Variants in PEBP4 observed in about 807,000 individuals in gnomAD.
The protein encoded by PEBP4 is phosphatidylethanolamine-binding protein 4.
Under a neutral mutation model 23.9 loss-of-function variants are expected in PEBP4, and 22 were observed. The observed-to-expected ratio is 0.92, with a 90% CI of 0.66 to 1.31. The LOEUF is 1.31. Ranked by LOEUF, PEBP4 falls within the 40% of genes most tolerant of loss-of-function variation. PEBP4 has a pLI of 0.00. For synonymous variants in PEBP4, 112 were observed against 99.3 expected (o/e 1.13, Z -0.76); for missense variants, 324 against 281.7 (o/e 1.15, Z -1.07).
chr8:22,803,470 G>C (rs1321400157), intron 4 of PEBP4, among the ~76,000 whole-genome samples: 1 of 152,050 alleles, frequency 6.6e-6, no homozygotes, highest in East Asian at 1.9e-4. Context: ...TTCGAGATCA[G>C]CTTGGCCAAC....
chr8:22,937,265 A>C (rs1809553590), intron 1 of PEBP4, among the ~76,000 whole-genome samples: 1 of 152,230 alleles, frequency 6.6e-6, no homozygotes, highest in Non-Finnish European at 1.5e-5. Context: ...CAAAATCAAC[A>C]AACAAAAATC....
intron 4 of PEBP4, among the ~76,000 whole-genome samples, chr8:22,779,788 G>A (rs1170215446): frequency 6.6e-6 from 1 of 152,160 alleles, no homozygotes; most frequent in African/African-American, 2.4e-5. Context: ...GAAAGTGATT[G>A]GCTATTTTTA....
At chr8:22,763,923 C>T (rs1805559938) in intron 4 of PEBP4, among the ~76,000 whole-genome samples, 1 of 152,304 alleles carries the variant, frequency 6.6e-6, no homozygotes, top group African/African-American at 2.4e-5. Context: ...GTGGAGAGAG[C>T]CATGAAGAAG....
In PEBP4 at chr8:22,749,805, C is replaced by CTTT. The variant is rs71206545; in HGVS notation, c.358-22588_358-22586dup. The stretch of plus-strand genomic sequence containing the variant: ...CTCTCCTGATTCTCAGTTTGTCATT[C>CTTT]TTTTTTTTTTTTTTTTTTGAGATGG... On this transcript the variant is annotated intron_variant, in intron 4 of 6. Coordinates refer to ENST00000256404, the MANE Select transcript of PEBP4 (RefSeq NM_144962.3). Among the ~76,000 whole-genome samples, 337 of 83,742 alleles carry CTTT rather than the reference C, an allele frequency of 4.0e-3. 36 individuals are homozygous for CTTT. In the South Asian group the frequency reaches 0.051, roughly 13 times the overall value. 54.9% of individuals were successfully genotyped at this position (83,742 alleles called of 152,430 possible).
chr8:22,749,036 G>A (rs546330865), intron 4 of PEBP4, among the ~76,000 whole-genome samples: 1 of 152,276 alleles, frequency 6.6e-6, no homozygotes, highest in South Asian at 2.1e-4. Flanking sequence ...ACAATCTGGG[G>A]TCAGGGGACT....
At chr8:22,897,437 CCTTTCATCGT>C (rs1014132649) in intron 3 of PEBP4, among the ~76,000 whole-genome samples, 5 of 152,114 alleles carry the variant, frequency 3.3e-5, no homozygotes, top group African/African-American at 1.2e-4. Flanking sequence ...AAAAACAAAC[CCTTTCATCGT>C]CTTACTCAGG....
At chr8:22,842,947 C>T (rs1208238482) in intron 3 of PEBP4, among the ~76,000 whole-genome samples, 2 of 152,224 alleles carry the variant, frequency 1.3e-5, no homozygotes, top group African/African-American at 4.8e-5. Context: ...CATGCCTCAG[C>T]CTCCTGAGTA....
At chr8:22,783,054 T>C (rs958811394) in intron 4 of PEBP4, among the ~76,000 whole-genome samples, 1 of 152,198 alleles carries the variant, frequency 6.6e-6, no homozygotes, top group African/African-American at 2.4e-5. Context: ...ACCTGCTCCA[T>C]GCAGAAGCTG....
At chr8:22,770,339 G>A (rs1038732226) in intron 4 of PEBP4, among the ~76,000 whole-genome samples, 4 of 152,140 alleles carry the variant, frequency 2.6e-5, no homozygotes, top group African/African-American at 4.8e-5. Flanking sequence ...CTTATCAATC[G>A]CAGTCCCCCT....
chr8:22,929,460 C>T (rs1042604020), upstream of PEBP4, among the ~76,000 whole-genome samples: 12 of 152,246 alleles, frequency 7.9e-5, no homozygotes, highest in Non-Finnish European at 1.8e-4. Flanking sequence ...GGAGAGCCCA[C>T]AGTGCAGGTT....
chr8:22,862,065 T>C (rs1399344733), intron 3 of PEBP4, among the ~76,000 whole-genome samples: 2 of 152,080 alleles, frequency 1.3e-5, no homozygotes, highest in African/African-American at 4.8e-5. Context: ...ATCAGGAGTA[T>C]TGATGGGGAG....
chr8:22,894,470 T>C (rs1808554840), intron 3 of PEBP4, among the ~76,000 whole-genome samples: 1 of 152,104 alleles, frequency 6.6e-6, no homozygotes, highest in Non-Finnish European at 1.5e-5. Flanking sequence ...TAGTCCCAGC[T>C]ACTCAGGAGG....
chr8:22,843,191 G>A (rs993918591), intron 3 of PEBP4, among the ~76,000 whole-genome samples: 3 of 152,060 alleles, frequency 2.0e-5, no homozygotes, highest in Non-Finnish European at 4.4e-5. Context: ...CTTGAACTCC[G>A]ACTTCAGGTG....
intron 3 of PEBP4, among the ~76,000 whole-genome samples, chr8:22,879,734 G>A (rs1227884993): frequency 1.3e-5 from 2 of 152,272 alleles, no homozygotes; most frequent in Admixed American, 6.5e-5. Context: ...GCACACACAC[G>A]CTTGAAAATA....
intron 3 of PEBP4, among the ~76,000 whole-genome samples, chr8:22,898,393 A>C (rs13268168): frequency 0.21 from 1,796 of 8,642 alleles, 104 homozygotes; most frequent in Non-Finnish European, 0.28. Context: ...CTCCACCCCA[A>C]AAAAAAAAAA....
At chr8:22,934,371 T>G (rs1460982434) in intron 1 of PEBP4, among the ~76,000 whole-genome samples, 1 of 152,234 alleles carries the variant, frequency 6.6e-6, no homozygotes, top group Non-Finnish European at 1.5e-5. Flanking sequence ...TAGTATCAAT[T>G]CAAATTAGAT....
chr8:22,911,273 G>T lies in PEBP4; in HGVS notation c.258+8911C>A, dbSNP rs367703347. ...TACAAGACCAACATGTCAGGGGTGC[G>T]CTGGTCCCTGGAAGAATGAGAGATG... On this transcript the variant is annotated intron_variant, in intron 3 of 6. Coordinates refer to ENST00000256404, the MANE Select transcript of PEBP4 (RefSeq NM_144962.3). 9.9e-5 allele frequency among the ~76,000 whole-genome samples: 15 copies of T among 152,202 alleles called. No homozygotes were observed. The East Asian group carries it at 2.3e-3, about 23-fold the overall frequency.
chr8:22,841,195 A>T (rs1411316556), intron 3 of PEBP4, among the ~76,000 whole-genome samples: 1 of 152,254 alleles, frequency 6.6e-6, no homozygotes, highest in Non-Finnish European at 1.5e-5. Flanking sequence ...GTAAGTAGCA[A>T]AGGCAAAAAT....
chr8:22,812,333 A>G (rs1020488873), intron 4 of PEBP4, among the ~76,000 whole-genome samples: 1 of 152,230 alleles, frequency 6.6e-6, no homozygotes, highest in African/African-American at 2.4e-5. Flanking sequence ...CCCACCTGGA[A>G]GCGGCAGAGC....
Sources: allele counts gnomAD v4.1 joint callset (sites outside exome capture counted in the v4.1 genomes callset), GRCh38; gene constraint gnomAD v4.1.1; transcripts MANE v1.5; gene names NCBI Gene and HGNC (gene_info 2026-07-23, HGNC 2026-07-21).